DBX2: variants seen among roughly 807,000 people sequenced by gnomAD.
DBX2 encodes homeobox protein DBX2.
In DBX2, 16 loss-of-function variants were observed where a neutral mutation model predicts 17.7. That is an observed-to-expected ratio of 0.90 (90% CI 0.61 to 1.37). DBX2 has a LOEUF of 1.37. Ranked by LOEUF, DBX2 falls within the 40% of genes most tolerant of loss-of-function variation. DBX2 has a pLI of 0.00. For synonymous variants in DBX2, 255 were observed against 183.8 expected (o/e 1.39, Z -3.13); for missense variants, 538 against 433.8 (o/e 1.24, Z -2.13).
At position 45,050,997 on chromosome 12, in the gene DBX2, A is replaced by C; in HGVS notation, c.-70T>G. ...CTGTCGCCCGGGCGCCCCGCACCGC[A>C]CCCAGAGCCGCAGCTTCTCGCCGCC... On this transcript the variant is annotated 5_prime_UTR_variant, in exon 1 of 4. Transcript: ENST00000332700. 6.0e-6 allele frequency: 8 copies of C among 1,323,260 alleles called. No individual in the cohort carries two copies. Among genetic ancestry groups the C allele is most frequent in the Non-Finnish European group, 7.7e-6 (8 of 1,040,990 alleles). 82.0% of individuals were successfully genotyped at this position (1,323,260 alleles called of 1,614,324 possible).
At chr12:45,025,592 G>A (rs1946377050) in intron 2 of DBX2, among the ~76,000 whole-genome samples, 1 of 151,250 alleles carries the variant, frequency 6.6e-6, no homozygotes, top group East Asian at 2.0e-4. Context: ...CACCCTAAAG[G>A]AGCTCACCTT....
intron 2 of DBX2, among the ~76,000 whole-genome samples, chr12:45,025,061 C>T (rs964253923): frequency 2.0e-5 from 3 of 152,206 alleles, no homozygotes; most frequent in East Asian, 3.8e-4. Context: ...CAGAGATGTC[C>T]ATGTCCTAAT....
chr12:45,039,380 G>A (rs1946459244), intron 1 of DBX2, among the ~76,000 whole-genome samples: 1 of 144,138 alleles, frequency 6.9e-6, no homozygotes, highest in African/African-American at 2.6e-5. Flanking sequence ...GACCAAAACA[G>A]GAAACTCTGC....
chr12:45,041,498 T>A (rs1017866476), intron 1 of DBX2, among the ~76,000 whole-genome samples: 3 of 152,120 alleles, frequency 2.0e-5, no homozygotes, highest in African/African-American at 7.2e-5. Context: ...TGAAAGTAAT[T>A]TGTTTATGTG....
intron 2 of DBX2, among the ~76,000 whole-genome samples, chr12:45,024,965 G>T (rs758407928): frequency 6.6e-6 from 1 of 152,166 alleles, no homozygotes; most frequent in Admixed American, 6.5e-5. Context: ...GCACAATACT[G>T]GTTCCCATGC....
At chr12:45,035,095 A>G (rs935662931) in intron 2 of DBX2, among the ~76,000 whole-genome samples, 2 of 152,240 alleles carry the variant, frequency 1.3e-5, no homozygotes, top group Non-Finnish European at 2.9e-5. Context: ...CTTGTCAGGA[A>G]TTATTCTGTC....
At chr12:45,050,059 G>A (rs1479054813) in intron 1 of DBX2, among the ~76,000 whole-genome samples, 2 of 152,084 alleles carry the variant, frequency 1.3e-5, no homozygotes, top group African/African-American at 4.8e-5. Flanking sequence ...CATCCTAACA[G>A]TTTCAGTGGC....
chr12:45,050,689 G>C lies in DBX2; in HGVS notation c.239C>G (p.Pro80Arg), dbSNP rs1946526866. 1.3e-6 allele frequency: 2 copies of C among 1,533,452 alleles called. No homozygotes were observed. The highest frequency in any genetic ancestry group is 1.8e-6 in the Non-Finnish European group (2 of 1,140,158). 95.0% of individuals were successfully genotyped at this position (1,533,452 alleles called of 1,614,324 possible). ...TGCGGGGCACAGCTTTAGGGGAACT[G>C]GGCTAGCAGGCAGGGGCCGGAGCTG... ...GAQLRPLPAS[P>R]VPLKLCPAAE... The change falls in exon 1 of 4, where the codon CCA becomes CGA. Residue 80 changes from proline (P) to arginine (R), a missense_variant. Coordinates refer to ENST00000332700, the MANE Select transcript of DBX2 (RefSeq NM_001004329.3).
In DBX2 at chr12:45,050,858, T is replaced by G. The variant is rs1565588951; in HGVS notation, c.70A>C (p.Asn24His). The change falls in exon 1 of 4, where the codon AAC becomes CAC. Residue 24 changes from asparagine to histidine, a missense_variant. Asn to His is a moderately conservative substitution (Grantham distance 68, BLOSUM62 1). Transcript: ENST00000332700. The stretch of plus-strand genomic sequence containing the variant: ...CCAAAGCCGGGCGCAGCGGGGAGGT[T>G]GAGGAGCGCGGAGGAAGCCACAACG... The part of the protein sequence containing the change: ...WDVVASSALL[N>H]LPAAPGFGNL... The G allele has an allele frequency of 2.0e-6, 3 of 1,537,000 alleles. No individual in the cohort carries two copies. Among genetic ancestry groups the G allele is most frequent in the Admixed American group, 2.1e-5 (1 of 48,194 alleles).
At chr12:45,039,276 G>GATAT (rs1565585153) in intron 1 of DBX2, among the ~76,000 whole-genome samples, 3 of 66,422 alleles carry the variant, frequency 4.5e-5, no homozygotes, top group African/African-American at 1.9e-4. Flanking sequence ...CTGCATTGAA[G>GATAT]GTATATATAT....
chr12:45,046,062 AT>A (rs79938613), intron 1 of DBX2, among the ~76,000 whole-genome samples: 2,550 of 152,166 alleles, frequency 0.017, 49 homozygotes, highest in East Asian at 0.047. Flanking sequence ...CCAGATTGAA[AT>A]TTGCTTGTTG....
At chr12:45,021,306 T>C (rs973448268) in intron 3 of DBX2, among the ~76,000 whole-genome samples, 2 of 152,202 alleles carry the variant, frequency 1.3e-5, no homozygotes, top group South Asian at 2.1e-4. Context: ...TGTAAAACCA[T>C]GTGCCTATGG....
intron 2 of DBX2, among the ~76,000 whole-genome samples, chr12:45,024,778 C>G (rs1946372762): frequency 6.6e-6 from 1 of 152,090 alleles, no homozygotes; most frequent in Non-Finnish European, 1.5e-5. Context: ...TTTGGGAACA[C>G]AAAACAAGGG....
intron 2 of DBX2, among the ~76,000 whole-genome samples, chr12:45,029,828 CA>C (rs1175218850): frequency 6.6e-6 from 1 of 151,142 alleles, no homozygotes; most frequent in Non-Finnish European, 1.5e-5. Flanking sequence ...CATGCCACTG[CA>C]CTCCAGGCTA....
At chr12:45,046,444 T>A (rs1946500786) in intron 1 of DBX2, among the ~76,000 whole-genome samples, 1 of 152,122 alleles carries the variant, frequency 6.6e-6, no homozygotes, top group Non-Finnish European at 1.5e-5. Flanking sequence ...TGAATCAGCA[T>A]CATCAACACT....
In DBX2 at chr12:45,044,227, G is replaced by A. The variant is rs79375184; in HGVS notation, c.403+6298C>T. Among the ~76,000 whole-genome samples, 10 of 143,356 alleles carry A rather than the reference G, an allele frequency of 7.0e-5. No homozygotes were observed. The East Asian group carries it at 2.4e-3, about 34-fold the overall frequency. 94.0% of individuals were successfully genotyped at this position (143,356 alleles called of 152,430 possible). On this transcript the variant is annotated intron_variant, in intron 1 of 3. Transcript: ENST00000332700. ...CTGTTCTAGCTTTAAACAATCAGATGGTCTTTTTTTGTTTCAGACCCAATA... is the reference window on the plus strand; with the variant it reads ...CTGTTCTAGCTTTAAACAATCAGATAGTCTTTTTTTGTTTCAGACCCAATA...
chr12:45,043,850 C>A (rs922513840), intron 1 of DBX2, among the ~76,000 whole-genome samples: 1 of 152,150 alleles, frequency 6.6e-6, no homozygotes, highest in African/African-American at 2.4e-5. Context: ...CTGTATCTTA[C>A]CAGTGCGCTT....
chr12:45,016,633 A>T lies in DBX2; in HGVS notation c.688-15T>A, dbSNP rs774516267. 1.3e-6 allele frequency: 2 copies of T among 1,514,254 alleles called. No individual in the cohort carries two copies. The highest frequency in any genetic ancestry group is 2.3e-5 in the East Asian group (1 of 43,636). The allele number at this position is 1,514,254 out of a possible 1,614,324, so 93.8% of individuals were successfully genotyped here. A position where few individuals can be genotyped will look rare whatever the true frequency, so the allele number is the denominator to read the frequency against. On this transcript the variant is annotated splice_polypyrimidine_tract_variant and intron_variant, in intron 3 of 3. Coordinates refer to ENST00000332700, the MANE Select transcript of DBX2 (RefSeq NM_001004329.3). The stretch of plus-strand genomic sequence containing the variant: ...CAAATTTTCACCTATTGACAAAATA[A>T]TTGCACAAAATGATCACTTATTCCA...
intron 1 of DBX2, among the ~76,000 whole-genome samples, chr12:45,041,176 AAAT>A (rs1452882039): frequency 1.1e-4 from 17 of 148,350 alleles, no homozygotes; most frequent in Admixed American, 5.4e-4. Context: ...ATAATTAACT[AAAT>A]AATAATTAAT....
Sources: gnomAD v4.1 joint callset for allele counts (sites outside exome capture counted in the v4.1 genomes callset) on GRCh38, gnomAD v4.1.1 for gene constraint, MANE v1.5 for transcripts, NCBI Gene and HGNC (gene_info 2026-07-23, HGNC 2026-07-21) for gene names.